The following IL6R variants were observed in gnomAD, a reference collection of about 807,000 sequenced individuals.
IL6R encodes interleukin 6 receptor.
In IL6R, 38 loss-of-function variants were observed where a neutral mutation model predicts 48.3. The observed-to-expected ratio is 0.79, with a 90% CI of 0.61 to 1.03. The LOEUF (loss-of-function observed/expected upper bound fraction) is 1.03. Among genes scored for constraint, IL6R ranks in the 50% least tolerant of loss-of-function variants. The pLI is 0.00. For synonymous variants in IL6R, 264 were observed against 256.2 expected (o/e 1.03, Z -0.29); for missense variants, 534 against 618.3 (o/e 0.86, Z 1.45).
At chr1:154,445,108 C>T (rs769661683) in intron 6 of IL6R, 3 of 456,234 alleles carry the variant, frequency 6.6e-6, no homozygotes, top group South Asian at 4.6e-5. Flanking sequence ...AGTCATTTCT[C>T]CTCAGGAGGC....
chr1:154,437,073 T>C (rs918709856), intron 6 of IL6R, among the ~76,000 whole-genome samples: 2 of 152,170 alleles, frequency 1.3e-5, no homozygotes, highest in African/African-American at 2.4e-5. Flanking sequence ...TAAAACTCCA[T>C]GGAAATTTGT....
intron 6 of IL6R, among the ~76,000 whole-genome samples, chr1:154,442,587 G>A (rs926696495): frequency 2.6e-5 from 4 of 152,154 alleles, no homozygotes; most frequent in African/African-American, 9.7e-5. Context: ...CTGGCCCCCC[G>A]CACAGACTGT....
chr1:154,420,511 T>TTTTA (rs372431155), intron 1 of IL6R, among the ~76,000 whole-genome samples: 15,926 of 147,846 alleles, frequency 0.11, 932 homozygotes, highest in African/African-American at 0.15. Flanking sequence ...CTTTATTTTA[T>TTTTA]TTTATTTATT....
At position 154,430,386 on chromosome 1, in the gene IL6R, C is replaced by G. The variant is rs543822245; in HGVS notation, c.335-97C>G. ...CCAGGGCTGGGGCCGAGGGGCCCAG[C>G]CACGTGCTCCCCTCAAGGGAGGCTG... On this transcript the variant is annotated intron_variant, in intron 2 of 9. Coordinates refer to ENST00000368485, the MANE Select transcript of IL6R (RefSeq NM_000565.4). The G allele has an allele frequency of 8.2e-5, 121 of 1,477,782 alleles. No homozygotes were observed. In the South Asian group the frequency reaches 1.5e-3, roughly 19 times the overall value. The allele number at this position is 1,477,782 out of a possible 1,614,324, so 91.5% of individuals were successfully genotyped here.
intron 6 of IL6R, 68 bp downstream of exon 6, chr1:154,436,178 T>C: frequency 6.6e-7 from 1 of 1,504,900 alleles, no homozygotes; most frequent in East Asian, 2.4e-5. Flanking sequence ...TCCATTGCTA[T>C]GTGACAAGTT....
chr1:154,430,672 G>T, intron 3 of IL6R, 66 bp downstream of exon 3: 1 of 1,597,772 alleles, frequency 6.3e-7, no homozygotes, highest in South Asian at 1.1e-5. Context: ...CCAGAGAGGG[G>T]CTGGTTCAGG....
At chr1:154,427,568 G>A (rs1689047939) in intron 1 of IL6R, among the ~76,000 whole-genome samples, 1 of 152,226 alleles carries the variant, frequency 6.6e-6, no homozygotes, top group Non-Finnish European at 1.5e-5. Flanking sequence ...TGAGGTAGAG[G>A]GTGCCAGGGA....
chr1:154,445,355 G>A (rs537926292), intron 6 of IL6R, among the ~76,000 whole-genome samples: 9 of 152,118 alleles, frequency 5.9e-5, no homozygotes, highest in Non-Finnish European at 1.2e-4. Context: ...AGAGGTTACT[G>A]GGCATTCTCT....
rs762814016 is a variant in IL6R, at chr1:154,436,120, T to C, written c.949+10T>C. Reference sequence around the variant, plus strand: ...GGCACGCCTTGGACAGGTACTGCGGTGGGCACTGAGAAAGGAAGGGATGTT... The same window carrying C: ...GGCACGCCTTGGACAGGTACTGCGGCGGGCACTGAGAAAGGAAGGGATGTT... On this transcript the variant is annotated intron_variant, in intron 6 of 9. Transcript: ENST00000368485. 5 of 1,587,864 alleles carry C rather than the reference T, an allele frequency of 3.1e-6. No homozygotes were observed. Among genetic ancestry groups the C allele is most frequent in the Non-Finnish European group, 4.3e-6 (5 of 1,161,334 alleles).
chr1:154,427,840 A>C (rs967012059), intron 1 of IL6R, among the ~76,000 whole-genome samples: 2 of 152,104 alleles, frequency 1.3e-5, no homozygotes, highest in African/African-American at 4.8e-5. Context: ...GCCAAGTATG[A>C]GATAAAAACG....
intron 6 of IL6R, among the ~76,000 whole-genome samples, chr1:154,436,827 A>G (rs562960982): frequency 6.6e-6 from 1 of 152,298 alleles, no homozygotes; most frequent in East Asian, 1.9e-4. Flanking sequence ...AATAATTGCC[A>G]TTGGGGATTG....
At chr1:154,442,216 G>A (rs1052713240) in intron 6 of IL6R, among the ~76,000 whole-genome samples, 13 of 152,124 alleles carry the variant, frequency 8.5e-5, no homozygotes, top group African/African-American at 1.9e-4. Context: ...TGTCTAATAC[G>A]TAATAGATGG....
intron 1 of IL6R, among the ~76,000 whole-genome samples, chr1:154,420,110 C>T (rs542569312): frequency 6.6e-6 from 1 of 152,192 alleles, no homozygotes; most frequent in South Asian, 2.1e-4. Context: ...ATTTTCCCTC[C>T]CCTAGAGCTC....
chr1:154,456,419 C>T (rs1435635811), intron 9 of IL6R, among the ~76,000 whole-genome samples: 6 of 152,000 alleles, frequency 3.9e-5, no homozygotes, highest in African/African-American at 1.5e-4. Flanking sequence ...GTTGGCCAGG[C>T]TGGTCTTGAT....
intron 9 of IL6R, among the ~76,000 whole-genome samples, chr1:154,464,621 T>G (rs1423446484): frequency 1.3e-5 from 2 of 152,152 alleles, no homozygotes; most frequent in Non-Finnish European, 2.9e-5. Context: ...GGGAGTGTTT[T>G]GGAAACTCAC....
At chr1:154,419,780 T>C (rs2149218816) in intron 1 of IL6R, among the ~76,000 whole-genome samples, 1 of 152,302 alleles carries the variant, frequency 6.6e-6, no homozygotes, top group Non-Finnish European at 1.5e-5. Flanking sequence ...GAAATATGTG[T>C]CTCCGTGTGC....
At chr1:154,446,664 G>A (rs1427751240) in intron 6 of IL6R, among the ~76,000 whole-genome samples, 1 of 152,158 alleles carries the variant, frequency 6.6e-6, no homozygotes. Flanking sequence ...CAGGGGGAGG[G>A]AGCCGTGAGG....
chr1:154,433,436 T>C (rs1411962527), intron 3 of IL6R, among the ~76,000 whole-genome samples: 1 of 152,230 alleles, frequency 6.6e-6, no homozygotes. Flanking sequence ...CTAGCACTTT[T>C]TGTGTCTCTG....
intron 1 of IL6R, among the ~76,000 whole-genome samples, chr1:154,406,836 A>C (rs1166501066): frequency 6.6e-6 from 1 of 152,202 alleles, no homozygotes; most frequent in African/African-American, 2.4e-5. Flanking sequence ...TTCCATTTTC[A>C]ATACACATTT....
Sources: gnomAD v4.1 joint callset for allele counts (sites outside exome capture counted in the v4.1 genomes callset) on GRCh38, gnomAD v4.1.1 for gene constraint, MANE v1.5 for transcripts, NCBI Gene and HGNC (gene_info 2026-07-23, HGNC 2026-07-21) for gene names.